ANK2: variants seen among roughly 807,000 people sequenced by gnomAD.
ANK2 encodes ankyrin-2.
In ANK2, 83 loss-of-function variants were observed where a neutral mutation model predicts 360.5. The observed-to-expected ratio is 0.23, with a 90% confidence interval of 0.19 to 0.28. The LOEUF (loss-of-function observed/expected upper bound fraction) is 0.28. ANK2 is among the 10% of genes least tolerant of loss of function. The pLI, the probability that ANK2 is intolerant of heterozygous loss-of-function variation, is 1.00. For synonymous variants in ANK2, 1,740 were observed against 1,759.5 expected, an observed-to-expected ratio of 0.99 and a Z score of 0.28; for missense variants, 4,201 against 4,795.7, an observed-to-expected ratio of 0.88 and a Z score of 3.66.
At chr4:113,149,061 C>T (rs1190894262) in intron 1 of ANK2, 1 of 152,280 alleles carries the variant, frequency 6.6e-6, no homozygotes. Context: ...CTTCCTCCCT[C>T]CATTTCCCCC....
Position 113,292,610 on chromosome 4 carries a change from C to G in ANK2, c.2376+96C>G, listed in dbSNP as rs1587409470. On this transcript the variant is annotated intron_variant, in intron 21 of 45. Transcript: ENST00000357077. ...TGAGCTGAGTGAGGTCAGATTCCTC[C>G]TCTTTAAATAAGCCCCCTGGACTCT... 4 of 1,296,504 alleles carry G rather than the reference C, an allele frequency of 3.1e-6. No homozygotes were observed. The East Asian group carries it at 1.0e-4, about 33-fold the overall frequency. The allele number at this position is 1,296,504 out of a possible 1,614,324, so 80.3% of individuals were successfully genotyped here.
intron 4 of ANK2, among the ~76,000 whole-genome samples, chr4:113,199,487 T>G (rs2098798523): frequency 6.6e-6 from 1 of 152,152 alleles, no homozygotes. Context: ...AGATTTACAT[T>G]CCAGTGGAAA....
At chr4:112,779,217 T>C in the ANK2 span, among the ~76,000 whole-genome samples, 1 of 152,296 alleles carries the variant, frequency 6.6e-6, no homozygotes, top group East Asian at 1.9e-4. Flanking sequence ...TAATTCTGCT[T>C]TTTAAAAAAA....
intron 1 of ANK2, among the ~76,000 whole-genome samples, chr4:113,129,596 G>A (rs150166652): frequency 8.1e-4 from 123 of 152,254 alleles, no homozygotes; most frequent in East Asian, 5.2e-3. Flanking sequence ...TGAGTAAATA[G>A]CACATGCAAG....
At position 113,355,386 on chromosome 4, in the gene ANK2, G is replaced by A. The variant is rs768025908; in HGVS notation, c.6768G>A (p.Glu2256=). The A allele has an allele frequency of 6.2e-6, 10 of 1,613,988 alleles. No homozygotes were observed. The South Asian group carries it at 9.9e-5, about 16-fold the overall frequency. The part of the protein sequence containing the change: ...SLSFSPKKSE[E]QTGETKESTK... ...CTTTCTCACCAAAGAAAAGTGAGGA[G>A]CAAACTGGGGAAACAAAGGAAAGCA... Residue 2256 remains glutamate (E), a synonymous_variant, in exon 38 of 46, where the codon GAG becomes GAA. Coordinates refer to ENST00000357077, the MANE Select transcript of ANK2 (RefSeq NM_001148.6).
chr4:112,889,099 C>A (rs1490860948), intron 1 of ANK2, among the ~76,000 whole-genome samples: 1 of 152,126 alleles, frequency 6.6e-6, no homozygotes, highest in African/African-American at 2.4e-5. Flanking sequence ...TGACACATTT[C>A]TCCTTAAAAA....
chr4:113,334,111 A>T (rs2093064690), intron 29 of ANK2, among the ~76,000 whole-genome samples: 1 of 152,192 alleles, frequency 6.6e-6, no homozygotes, highest in African/African-American at 2.4e-5. Context: ...GTCTTCTGGC[A>T]CTAGTTTCAG....
At chr4:112,812,226 T>C in the ANK2 span, among the ~76,000 whole-genome samples, 1 of 152,148 alleles carries the variant, frequency 6.6e-6, no homozygotes, top group East Asian at 1.9e-4. Flanking sequence ...TGTCTTTTCA[T>C]TCTGGGCTGA....
intron 21 of ANK2, 130 bp from the exon 22 acceptor site, chr4:113,293,310 G>C (rs1354975983): frequency 1.2e-6 from 1 of 808,696 alleles, no homozygotes; most frequent in Non-Finnish European, 2.1e-6. Context: ...GTAAAAACTA[G>C]TGATTTTCCT....
chr4:113,155,097 AT>A (rs2097232649), intron 1 of ANK2, among the ~76,000 whole-genome samples: 1 of 152,226 alleles, frequency 6.6e-6, no homozygotes, highest in East Asian at 1.9e-4. Flanking sequence ...ATCATCAATA[AT>A]AGCTATCATT....
chr4:112,881,881 C>T, intron 1 of ANK2: 2 of 734,326 alleles, frequency 2.7e-6, no homozygotes, highest in Non-Finnish European at 4.9e-6. Flanking sequence ...TCTCTTGAGA[C>T]CGCTCTCTTT....
At position 113,327,052 on chromosome 4, in the gene ANK2, A is replaced by G. The variant is rs1341474793; in HGVS notation, c.2901-3194A>G. Among the ~76,000 whole-genome samples, 3 of 152,162 alleles carry G rather than the reference A, an allele frequency of 2.0e-5. No individual in the cohort carries two copies. The East Asian group carries it at 5.8e-4, about 29-fold the overall frequency. ...TCTGAATTATGCATACTGGCACCTG[A>G]ATTTTTCCAATTTGCTTTGGATTTT... On this transcript the variant is annotated intron_variant, in intron 26 of 45. Transcript: ENST00000357077.
At chr4:113,311,807 A>G (rs1393529001) in intron 24 of ANK2, among the ~76,000 whole-genome samples, 4 of 152,184 alleles carry the variant, frequency 2.6e-5, no homozygotes, top group African/African-American at 4.8e-5. Flanking sequence ...TTAGTAACAT[A>G]ATTTCTGTGA....
chr4:112,814,911 G>A (rs1436808023), upstream of ANK2, among the ~76,000 whole-genome samples: 1 of 152,152 alleles, frequency 6.6e-6, no homozygotes, highest in Non-Finnish European at 1.5e-5. Context: ...TCACTGTATG[G>A]GGGGTGTTGG....
chr4:113,214,652 T>G (rs934671233), intron 4 of ANK2, among the ~76,000 whole-genome samples: 1 of 152,160 alleles, frequency 6.6e-6, no homozygotes, highest in Non-Finnish European at 1.5e-5. Flanking sequence ...ACTAAGAGTA[T>G]TAAGCAGCAA....
chr4:112,805,919 A>T, the ANK2 span, among the ~76,000 whole-genome samples: 44 of 152,212 alleles, frequency 2.9e-4, no homozygotes, highest in African/African-American at 9.2e-4. Context: ...TTAAGCCTTT[A>T]ATTATTATGA....
At chr4:113,371,291 G>A (rs531035153) in intron 43 of ANK2, among the ~76,000 whole-genome samples, 13 of 152,258 alleles carry the variant, frequency 8.5e-5, no homozygotes, top group African/African-American at 2.6e-4. Flanking sequence ...ACTGTGTCCT[G>A]ATTTTGGCAG....
At chr4:112,934,636 G>A (rs936058383) in intron 2 of ANK2, among the ~76,000 whole-genome samples, 10 of 152,104 alleles carry the variant, frequency 6.6e-5, no homozygotes, top group African/African-American at 2.4e-4. Flanking sequence ...ATGGTTACAG[G>A]ATAGAATTAA....
chr4:113,276,954 G>A (rs2060462832), intron 15 of ANK2, among the ~76,000 whole-genome samples: 1 of 152,146 alleles, frequency 6.6e-6, no homozygotes. Context: ...AGAGCATGTG[G>A]TTAAACTGTC....
Sources: gnomAD v4.1 joint callset for allele counts (sites outside exome capture counted in the v4.1 genomes callset) on GRCh38, gnomAD v4.1.1 for gene constraint, MANE v1.5 for transcripts, NCBI Gene and HGNC (gene_info 2026-07-23, HGNC 2026-07-21) for gene names.